The following CHODL variants were observed in gnomAD, a reference collection of about 807,000 sequenced individuals.
The protein encoded by CHODL is transmembrane protein MT75.
In CHODL, 29 loss-of-function variants were observed where a neutral mutation model predicts 34.5. The observed-to-expected ratio is 0.84, with a 90% confidence interval of 0.63 to 1.15. The LOEUF (loss-of-function observed/expected upper bound fraction) is 1.15. CHODL is among the 50% of genes most tolerant of loss of function. CHODL has a pLI of 0.00. For missense variants in CHODL, 332 were observed against 332.5 expected, an observed-to-expected ratio of 1.00 and a Z score of 0.01; for synonymous variants, 125 against 116.1, an observed-to-expected ratio of 1.08 and a Z score of -0.49.
chr21:18,035,500 C>T (rs565630553), intron 2 of CHODL, among the ~76,000 whole-genome samples: 15 of 152,002 alleles, frequency 9.9e-5, no homozygotes, highest in East Asian at 7.8e-4. Context: ...CAGTGTTCCT[C>T]GAATTTGGAA....
chr21:18,088,240 G>A (rs1015236737), intron 2 of CHODL, among the ~76,000 whole-genome samples: 8 of 152,162 alleles, frequency 5.3e-5, no homozygotes, highest in African/African-American at 1.7e-4. Flanking sequence ...GCAAGAAGAT[G>A]TGGGAAGTGC....
At chr21:17,933,099 C>A (rs2063288615) in intron 1 of CHODL, among the ~76,000 whole-genome samples, 1 of 152,196 alleles carries the variant, frequency 6.6e-6, no homozygotes, top group South Asian at 2.1e-4. Context: ...GTCCCACCTC[C>A]AGCCCTAAGG....
intron 2 of CHODL, among the ~76,000 whole-genome samples, chr21:18,128,157 T>C (rs993571923): frequency 6.6e-5 from 10 of 150,620 alleles, no homozygotes; most frequent in South Asian, 2.1e-4. Context: ...AAAAATTAGC[T>C]GGGCGTGGTG....
intron 1 of CHODL, among the ~76,000 whole-genome samples, chr21:18,027,507 T>C (rs559719385): frequency 5.6e-4 from 86 of 152,276 alleles, no homozygotes; most frequent in African/African-American, 2.0e-3. Context: ...TTGGCATGAT[T>C]CATGTATGTT....
At chr21:18,046,813 G>T (rs966920662) in intron 2 of CHODL, among the ~76,000 whole-genome samples, 4 of 151,868 alleles carry the variant, frequency 2.6e-5, no homozygotes, top group Non-Finnish European at 4.4e-5. Flanking sequence ...ACTGTTTGGG[G>T]ATATCACTCC....
intron 1 of CHODL, among the ~76,000 whole-genome samples, chr21:17,991,957 A>G (rs930701360): frequency 6.6e-6 from 1 of 152,066 alleles, no homozygotes; most frequent in Non-Finnish European, 1.5e-5. Flanking sequence ...ATAGTTTCAG[A>G]TCTTACATTT....
chr21:18,070,027 C>CCCTTCCCTTCCCT (rs2064782273), intron 2 of CHODL, among the ~76,000 whole-genome samples: 1 of 68,634 alleles, frequency 1.5e-5, no homozygotes, highest in Non-Finnish European at 3.2e-5. Context: ...CCCTTCCCTC[C>CCCTTCCCTTCCCT]CCCCCCCCAC....
At chr21:17,927,882 C>T (rs2063241354) in intron 1 of CHODL, among the ~76,000 whole-genome samples, 1 of 152,190 alleles carries the variant, frequency 6.6e-6, no homozygotes, top group South Asian at 2.1e-4. Context: ...TGTAGCTGCT[C>T]TTCCACCTAC....
intron 1 of CHODL, among the ~76,000 whole-genome samples, chr21:17,994,551 C>A (rs1263284899): frequency 6.6e-6 from 1 of 152,100 alleles, no homozygotes; most frequent in Non-Finnish European, 1.5e-5. Flanking sequence ...CTGTGGATGG[C>A]CCACACGTGT....
intron 2 of CHODL, among the ~76,000 whole-genome samples, chr21:18,176,567 GA>G (rs1403016750): frequency 6.6e-6 from 1 of 152,114 alleles, no homozygotes; most frequent in Non-Finnish European, 1.5e-5. Flanking sequence ...TCAGAGTAGC[GA>G]AGTTTTGTTT....
At chr21:18,152,231 A>C (rs1231048947) in intron 2 of CHODL, among the ~76,000 whole-genome samples, 1 of 152,228 alleles carries the variant, frequency 6.6e-6, no homozygotes, top group African/African-American at 2.4e-5. Flanking sequence ...ATGCATCTGA[A>C]GGGTGACTAC....
At chr21:18,189,155 A>T (rs2073480752) in intron 2 of CHODL, among the ~76,000 whole-genome samples, 1 of 152,296 alleles carries the variant, frequency 6.6e-6, no homozygotes, top group South Asian at 2.1e-4. Flanking sequence ...AATTTAACAC[A>T]AGTGACTCCA....
rs186311180 is a variant in CHODL, at chr21:17,982,651, A to G, written c.-144-45221A>G. Among the ~76,000 whole-genome samples, 199 of 147,050 alleles carry G rather than the reference A, an allele frequency of 1.4e-3. 1 individual carries two copies. The highest frequency in any genetic ancestry group is 4.8e-3 in the African/African-American group (191 of 39,806). ...CCCACAATTTCTCTATCTAGTTAGT[A>G]TTTACAGATAAAGCATGCACTATAA... On this transcript the variant is annotated intron_variant, in intron 1 of 6. Transcript: ENST00000400127.
intron 1 of CHODL, among the ~76,000 whole-genome samples, chr21:17,920,699 T>C (rs997839880): frequency 4.6e-5 from 7 of 152,216 alleles, no homozygotes; most frequent in Non-Finnish European, 7.3e-5. Context: ...GTAGCTATTA[T>C]TATTAACATT....
intron 1 of CHODL, among the ~76,000 whole-genome samples, chr21:17,993,578 T>C (rs775622909): frequency 2.0e-5 from 3 of 152,244 alleles, no homozygotes; most frequent in Non-Finnish European, 4.4e-5. Context: ...TAATATTCCA[T>C]GGCAAATATG....
intron 2 of CHODL, among the ~76,000 whole-genome samples, chr21:18,117,149 A>C (rs566311236): frequency 6.6e-6 from 1 of 152,294 alleles, no homozygotes; most frequent in South Asian, 2.1e-4. Flanking sequence ...GGGTTACCTC[A>C]TGAGCTGTCA....
intron 1 of CHODL, among the ~76,000 whole-genome samples, chr21:17,986,767 T>C (rs1194150961): frequency 2.0e-5 from 3 of 152,226 alleles, no homozygotes; most frequent in Non-Finnish European, 2.9e-5. Context: ...TGAACTAATT[T>C]ACACTTCCAC....
intron 2 of CHODL, among the ~76,000 whole-genome samples, chr21:18,039,757 A>G (rs2064352975): frequency 6.6e-6 from 1 of 151,776 alleles, no homozygotes; most frequent in African/African-American, 2.4e-5. Flanking sequence ...TGATGCTACC[A>G]AAACCTCAAC....
At chr21:18,126,744 T>C (rs2065550110) in intron 2 of CHODL, among the ~76,000 whole-genome samples, 1 of 152,216 alleles carries the variant, frequency 6.6e-6, no homozygotes, top group Admixed American at 6.5e-5. Flanking sequence ...AAATCTTTCA[T>C]AAATTAAGAG....
Sources: allele counts gnomAD v4.1 joint callset (sites outside exome capture counted in the v4.1 genomes callset), GRCh38; gene constraint gnomAD v4.1.1; transcripts MANE v1.5; gene names NCBI Gene and HGNC (gene_info 2026-07-23, HGNC 2026-07-21).